DNER: variants seen among roughly 807,000 people sequenced by gnomAD.
DNER encodes the protein delta/notch like EGF repeat containing, also known as delta and Notch-like epidermal growth factor-related receptor.
A neutral mutation model predicts 78.2 loss-of-function variants in DNER; 33 were observed. That is an observed-to-expected ratio of 0.42 (90% CI 0.32 to 0.56). The LOEUF is 0.56. DNER is among the 20% of genes least tolerant of loss of function. The probability of loss-of-function intolerance (pLI) is 0.11; values close to 1 mark genes in which losing one functional copy is unlikely to be tolerated. For synonymous variants in DNER, 417 were observed against 384.8 expected (o/e 1.08, Z -0.98); for missense variants, 918 against 975.3 (o/e 0.94, Z 0.78).
intron 1 of DNER, among the ~76,000 whole-genome samples, chr2:229,627,724 A>G (rs865974413): frequency 2.0e-5 from 3 of 152,330 alleles, no homozygotes; most frequent in Middle Eastern, 3.4e-3. Context: ...CAGCAAGTTT[A>G]CTGTAAGCAG....
At chr2:229,451,583 T>C (rs1694457898) in intron 7 of DNER, among the ~76,000 whole-genome samples, 1 of 152,252 alleles carries the variant, frequency 6.6e-6, no homozygotes, top group Admixed American at 6.5e-5. Flanking sequence ...TAGTAGGATG[T>C]AAGAACTATA....
rs372035936 is a variant in DNER, at chr2:229,623,015, G to A, written c.277-31127C>T. Among the ~76,000 whole-genome samples the A allele has an allele frequency of 2.8e-4, 42 of 152,272 alleles. No homozygotes were observed. In the South Asian group the frequency reaches 5.0e-3, roughly 18 times the overall value. ...ACCAAGGAAAGACATCTGGTCAACC[G>A]TTGGTTTGTGCCACCTGCTCATCCT... On this transcript the variant is annotated intron_variant, in intron 1 of 12. Transcript: ENST00000341772.
chr2:229,422,653 A>G (rs1021491233), intron 8 of DNER, among the ~76,000 whole-genome samples: 1 of 152,192 alleles, frequency 6.6e-6, no homozygotes, highest in Admixed American at 6.5e-5. Context: ...TAGATTGGGC[A>G]CACTTGGGCA....
intron 8 of DNER, among the ~76,000 whole-genome samples, chr2:229,422,156 C>T (rs1190116283): frequency 6.6e-6 from 1 of 152,104 alleles, no homozygotes; most frequent in African/African-American, 2.4e-5. Flanking sequence ...ACCCTTTATA[C>T]TCAGTGCCAA....
intron 5 of DNER, among the ~76,000 whole-genome samples, chr2:229,528,966 C>T (rs1696255444): frequency 6.6e-6 from 1 of 152,128 alleles, no homozygotes; most frequent in Non-Finnish European, 1.5e-5. Context: ...GGACTGACGT[C>T]TCATTAGCAG....
At chr2:229,412,996 A>T (rs990188237) in intron 9 of DNER, among the ~76,000 whole-genome samples, 2 of 152,214 alleles carry the variant, frequency 1.3e-5, no homozygotes, top group African/African-American at 4.8e-5. Context: ...CAGCAGGGAC[A>T]CAAAAAGTCA....
At chr2:229,367,552 G>C (rs944497722) in intron 11 of DNER, among the ~76,000 whole-genome samples, 3 of 152,148 alleles carry the variant, frequency 2.0e-5, no homozygotes, top group Non-Finnish European at 4.4e-5. Flanking sequence ...AGTGAGCCAA[G>C]ATTGCACCAC....
intron 7 of DNER, among the ~76,000 whole-genome samples, chr2:229,468,783 T>G (rs1246249288): frequency 2.0e-5 from 3 of 152,124 alleles, no homozygotes; most frequent in African/African-American, 7.2e-5. Context: ...CATTAGGTAG[T>G]TACAGAAGGA....
chr2:229,586,508 TAAAAAAAA>T (rs555047737), intron 3 of DNER, among the ~76,000 whole-genome samples: 44 of 13,486 alleles, frequency 3.3e-3, no homozygotes, highest in African/African-American at 0.011. Flanking sequence ...TCATTTTTGG[TAAAAAAAA>T]AAAAAAAAAA....
At chr2:229,610,150 A>G (rs1012100980) in intron 1 of DNER, among the ~76,000 whole-genome samples, 2 of 152,220 alleles carry the variant, frequency 1.3e-5, no homozygotes, top group African/African-American at 2.4e-5. Context: ...AGACTTTGGA[A>G]TAAGCCATGC....
intron 5 of DNER, among the ~76,000 whole-genome samples, chr2:229,533,885 T>A (rs954493664): frequency 1.4e-4 from 21 of 152,378 alleles, no homozygotes; most frequent in African/African-American, 4.8e-4. Context: ...AAAACTTTTA[T>A]ACAAGCTTGA....
chr2:229,467,264 T>G (rs972541138), intron 7 of DNER, among the ~76,000 whole-genome samples: 1 of 152,210 alleles, frequency 6.6e-6, no homozygotes, highest in African/African-American at 2.4e-5. Flanking sequence ...GGAAAATGTC[T>G]TTAAAAATGG....
chr2:229,575,617 C>A (rs1697283371), intron 4 of DNER, among the ~76,000 whole-genome samples: 1 of 152,160 alleles, frequency 6.6e-6, no homozygotes, highest in African/African-American at 2.4e-5. Context: ...AACATCTCAT[C>A]CATCTTTGAT....
At chr2:229,497,670 T>C (rs1046922872) in intron 6 of DNER, among the ~76,000 whole-genome samples, 4 of 151,862 alleles carry the variant, frequency 2.6e-5, no homozygotes, top group Non-Finnish European at 5.9e-5. Flanking sequence ...AGAATTACTC[T>C]AATACTATAA....
At chr2:229,561,322 G>A (rs983002078) in intron 4 of DNER, among the ~76,000 whole-genome samples, 5 of 151,946 alleles carry the variant, frequency 3.3e-5, no homozygotes, top group Non-Finnish European at 7.4e-5. Context: ...TTTGCTCTAG[G>A]GAAAAAAATT....
At chr2:229,410,768 C>A (rs1427196188) in intron 9 of DNER, among the ~76,000 whole-genome samples, 1 of 152,164 alleles carries the variant, frequency 6.6e-6, no homozygotes, top group Non-Finnish European at 1.5e-5. Context: ...AAAAGCAGTA[C>A]ACCAATTATA....
At chr2:229,555,549 G>A (rs1006489081) in intron 4 of DNER, among the ~76,000 whole-genome samples, 17 of 152,116 alleles carry the variant, frequency 1.1e-4, no homozygotes, top group African/African-American at 3.9e-4. Flanking sequence ...AAAACATCAT[G>A]TACCTCTTCC....
At chr2:229,402,406 T>G (rs1693286521) in intron 10 of DNER, among the ~76,000 whole-genome samples, 1 of 152,164 alleles carries the variant, frequency 6.6e-6, no homozygotes, top group Non-Finnish European at 1.5e-5. Flanking sequence ...ATCAAAGAAA[T>G]TCAATGAAAA....
intron 7 of DNER, among the ~76,000 whole-genome samples, chr2:229,457,517 G>A (rs562905458): frequency 5.9e-5 from 9 of 151,744 alleles, no homozygotes; most frequent in East Asian, 5.8e-4. Flanking sequence ...TAAAACAGAC[G>A]CAACAAAAAC....
Sources: gnomAD v4.1 joint callset for allele counts (sites outside exome capture counted in the v4.1 genomes callset) on GRCh38, gnomAD v4.1.1 for gene constraint, MANE v1.5 for transcripts, NCBI Gene and HGNC (gene_info 2026-07-23, HGNC 2026-07-21) for gene names.